Variants in SPEF2 observed in about 807,000 individuals in gnomAD.
SPEF2 encodes sperm flagellar and cilia associated 2.
SPEF2 carries 187 observed loss-of-function variants against 224.6 expected under a neutral mutation model. The ratio of observed to expected loss-of-function variants is 0.83; its 90% CI spans 0.74 to 0.94. The LOEUF (loss-of-function observed/expected upper bound fraction) is 0.94. Among genes scored for constraint, SPEF2 ranks in the 40% least tolerant of loss-of-function variants. The probability of loss-of-function intolerance (pLI) is 0.00; values close to 1 mark genes in which losing one functional copy is unlikely to be tolerated. For missense variants in SPEF2, 2,170 were observed against 2,135.6 expected, an observed-to-expected ratio of 1.02 and a Z score of -0.32; for synonymous variants, 715 against 707.3, an observed-to-expected ratio of 1.01 and a Z score of -0.17.
At chr5:35,731,047 A>G (rs779384420) in intron 21 of SPEF2, among the ~76,000 whole-genome samples, 11 of 152,230 alleles carry the variant, frequency 7.2e-5, no homozygotes, top group Non-Finnish European at 1.5e-4. Flanking sequence ...GAAAGAATAC[A>G]GTCAAGGGTA....
chr5:35,803,613 TCTCA>T lies in SPEF2; in HGVS notation c.5011-3086_5011-3083del, dbSNP rs1391483188. Among the ~76,000 whole-genome samples the T allele has an allele frequency of 2.0e-5, 3 of 152,114 alleles. No individual in the cohort carries two copies. The East Asian group carries it at 5.8e-4, about 29-fold the overall frequency. On this transcript the variant is annotated intron_variant, in intron 34 of 36. Coordinates refer to ENST00000356031, the MANE Select transcript of SPEF2 (RefSeq NM_024867.4). ...CACAGAAGCCACTCACCTTCTTCAT[TCTCA>T]CTCACTCCTCATCCCACTGTCTCCA...
At chr5:35,751,935 C>A (rs778721982) in intron 23 of SPEF2, among the ~76,000 whole-genome samples, 2 of 152,038 alleles carry the variant, frequency 1.3e-5, no homozygotes, top group Non-Finnish European at 2.9e-5. Flanking sequence ...GCACCAGGGA[C>A]CAGTTTCGTG....
intron 26 of SPEF2, among the ~76,000 whole-genome samples, chr5:35,765,203 G>T (rs970050630): frequency 1.3e-5 from 2 of 152,058 alleles, no homozygotes; most frequent in African/African-American, 4.8e-5. Flanking sequence ...TTAGATAAAT[G>T]GACTCATATC....
chr5:35,737,104 C>T (rs138772421), intron 21 of SPEF2, among the ~76,000 whole-genome samples: 146 of 152,248 alleles, frequency 9.6e-4, no homozygotes, highest in Admixed American at 2.0e-3. Flanking sequence ...GAATCTTGAC[C>T]TCACTTGTTA....
intron 26 of SPEF2, 116 bp downstream of exon 26, chr5:35,763,818 T>C: frequency 2.2e-6 from 2 of 909,762 alleles, no homozygotes; most frequent in Non-Finnish European, 3.1e-6. Context: ...TAGAAAATTG[T>C]ACCTTCGAAA....
At chr5:35,739,517 G>A (rs570720679) in intron 21 of SPEF2, among the ~76,000 whole-genome samples, 2 of 152,226 alleles carry the variant, frequency 1.3e-5, no homozygotes, top group East Asian at 3.9e-4. Context: ...CAAGTAGCTG[G>A]GATTGGCACA....
chr5:35,706,977 A>T (rs1227104463), intron 18 of SPEF2, among the ~76,000 whole-genome samples: 2 of 152,202 alleles, frequency 1.3e-5, no homozygotes, highest in African/African-American at 4.8e-5. Flanking sequence ...GTTTTTGCCA[A>T]CTATTAGACT....
intron 8 of SPEF2, among the ~76,000 whole-genome samples, chr5:35,662,315 T>C (rs541469407): frequency 6.6e-6 from 1 of 152,202 alleles, no homozygotes; most frequent in Non-Finnish European, 1.5e-5. Flanking sequence ...TTCTTATAGA[T>C]GTTGGATATT....
chr5:35,657,273 G>T (rs1749091806), intron 7 of SPEF2, among the ~76,000 whole-genome samples: 1 of 152,204 alleles, frequency 6.6e-6, no homozygotes, highest in South Asian at 2.1e-4. Context: ...GGCTGGTGAA[G>T]AGACAGCCAG....
At chr5:35,697,868 C>A in intron 15 of SPEF2, 75 bp downstream of exon 15, 2 of 1,100,110 alleles carry the variant, frequency 1.8e-6, no homozygotes, top group South Asian at 1.5e-5. Flanking sequence ...AAGAATAATA[C>A]GGATTTTTTG....
chr5:35,717,026 A>G (rs929692153), intron 20 of SPEF2, among the ~76,000 whole-genome samples: 33 of 152,130 alleles, frequency 2.2e-4, no homozygotes, highest in Non-Finnish European at 3.5e-4. Flanking sequence ...TCTTGAACCC[A>G]TTTGCCACTG....
chr5:35,644,678 C>G (rs1747099391), intron 4 of SPEF2, among the ~76,000 whole-genome samples, 153 bp downstream of exon 4: 1 of 150,422 alleles, frequency 6.6e-6, no homozygotes, highest in Non-Finnish European at 1.5e-5. Context: ...CCCTTTCTCT[C>G]TCTCCCCTGC....
chr5:35,799,993 A>G lies in SPEF2; in HGVS notation c.4856A>G (p.Tyr1619Cys). 4 of 1,614,000 alleles carry G rather than the reference A, an allele frequency of 2.5e-6. No individual in the cohort carries two copies. The highest frequency in any genetic ancestry group is 2.2e-5 in the South Asian group (2 of 91,064). ...IEFFFRLFAD[Y>C]EKDPPQLDYT... ...TTTTTCTTTAGGCTATTTGCTGACT[A>G]TGAGAAGGATCCACCCCAGCTTGAC... Residue 1619 changes from tyrosine to cysteine, a missense_variant, in exon 34 of 37, where the codon TAT becomes TGT. Coordinates refer to ENST00000356031, the MANE Select transcript of SPEF2 (RefSeq NM_024867.4).
At chr5:35,712,591 G>A (rs1741389078) in intron 19 of SPEF2, among the ~76,000 whole-genome samples, 1 of 152,192 alleles carries the variant, frequency 6.6e-6, no homozygotes, top group African/African-American at 2.4e-5. Flanking sequence ...ACATCTCAAT[G>A]TGACAGAATA....
intron 14 of SPEF2, 26 bp from the exon 15 acceptor site, chr5:35,697,664 C>G (rs1755523275): frequency 6.4e-7 from 1 of 1,571,830 alleles, no homozygotes; most frequent in Non-Finnish European, 8.7e-7. Context: ...TAGCCATCTT[C>G]TGTCATTTCT....
intron 10 of SPEF2, among the ~76,000 whole-genome samples, chr5:35,682,083 G>C (rs1752908632): frequency 6.6e-6 from 1 of 152,126 alleles, no homozygotes; most frequent in South Asian, 2.1e-4. Context: ...AGGGAAAGTG[G>C]TGTGCCAAGG....
chr5:35,727,176 C>T (rs4128902), intron 20 of SPEF2, among the ~76,000 whole-genome samples: 63,609 of 151,980 alleles, frequency 0.42, 13,842 homozygotes, highest in African/African-American at 0.49. Flanking sequence ...GGGGCTTCAA[C>T]AGCCCCTCTT....
At chr5:35,669,977 A>G (rs1216423253) in intron 9 of SPEF2, 82 bp from the exon 10 acceptor site, 4 of 1,129,964 alleles carry the variant, frequency 3.5e-6, no homozygotes, top group East Asian at 5.1e-5. Flanking sequence ...AGCTAATTAC[A>G]TAAATATAAT....
chr5:35,810,519 G>A (rs1477346402), intron 36 of SPEF2, among the ~76,000 whole-genome samples: 1 of 152,160 alleles, frequency 6.6e-6, no homozygotes, highest in African/African-American at 2.4e-5. Context: ...CCTCATTTCT[G>A]AAGGAGTGTC....
Sources: gnomAD v4.1 joint callset for allele counts (sites outside exome capture counted in the v4.1 genomes callset) on GRCh38, gnomAD v4.1.1 for gene constraint, MANE v1.5 for transcripts, NCBI Gene and HGNC (gene_info 2026-07-23, HGNC 2026-07-21) for gene names.